Variants in NYAP1 observed in about 807,000 individuals in gnomAD.
NYAP1 encodes neuronal tyrosine-phosphorylated phosphoinositide-3-kinase adapter 1.
NYAP1 carries 20 observed loss-of-function variants against 58.6 expected under a neutral mutation model. That is an observed-to-expected ratio of 0.34 (90% CI 0.24 to 0.50). The LOEUF (loss-of-function observed/expected upper bound fraction) is 0.50, where lower values mean the gene tolerates loss of function less well. Ranked by LOEUF, NYAP1 falls within the 20% of genes least tolerant of loss-of-function variation. The pLI, the probability that NYAP1 is intolerant of heterozygous loss-of-function variation, is 0.98. For synonymous variants in NYAP1, 572 were observed against 523.1 expected, an observed-to-expected ratio of 1.09 and a Z score of -1.27; for missense variants, 1,150 against 1,194.5, an observed-to-expected ratio of 0.96 and a Z score of 0.55.
Position 100,493,661 on chromosome 7 carries a change from C to T in NYAP1, c.2284C>T (p.Pro762Ser). The T allele has an allele frequency of 1.3e-6, 2 of 1,582,828 alleles. No individual in the cohort carries two copies. Among genetic ancestry groups the T allele is most frequent in the South Asian group, 1.1e-5 (1 of 88,520 alleles). ...DALSQPHPAL[P>S]LPLPLPPQPA... Reference sequence around the variant, plus strand: ...CGCGGCACAGCCCCACCCCGCGCTGCCGCTGCCTCTGCCCCTGCCGCCCCA... The same window carrying T: ...CGCGGCACAGCCCCACCCCGCGCTGTCGCTGCCTCTGCCCCTGCCGCCCCA... The change falls in exon 7 of 7, where the codon CCG becomes TCG. Residue 762 changes from proline (P) to serine (S), a missense_variant. Transcript: ENST00000300179.
chr7:100,493,580 C>G, intron 6 of NYAP1, 66 bp from the exon 7 acceptor site: 3 of 1,385,646 alleles, frequency 2.2e-6, no homozygotes, highest in Non-Finnish European at 2.9e-6. Flanking sequence ...CAGTGCGGAC[C>G]CGTCCGGTCA....
In NYAP1 at chr7:100,493,544, C is replaced by T. The variant is rs1010874903; in HGVS notation, c.2269-102C>T. On this transcript the variant is annotated intron_variant, in intron 6 of 6. Transcript: ENST00000300179. Reference sequence around the variant, plus strand: ...CCGTTGGGGGGCAAGCAAGGACTTGCTTCTGAGGGGAGACGTGGGTCTCGG... The same window carrying T: ...CCGTTGGGGGGCAAGCAAGGACTTGTTTCTGAGGGGAGACGTGGGTCTCGG... 3.8e-6 allele frequency: 4 copies of T among 1,052,220 alleles called. No individual in the cohort carries two copies. In the African/African-American group the frequency reaches 6.6e-5, roughly 17 times the overall value. The allele number at this position is 1,052,220 out of a possible 1,614,324, so 65.2% of individuals were successfully genotyped here. A position where few individuals can be genotyped will look rare whatever the true frequency, so the allele number is the denominator to read the frequency against.
Position 100,486,711 on chromosome 7 carries a change from C to A in NYAP1, c.69-110C>A. 1 of 1,296,302 alleles carries A rather than the reference C, an allele frequency of 7.7e-7. No homozygotes were observed. The highest frequency in any genetic ancestry group is 1.0e-6 in the Non-Finnish European group (1 of 991,268). 80.3% of individuals were successfully genotyped at this position (1,296,302 alleles called of 1,614,324 possible). A position where few individuals can be genotyped will look rare whatever the true frequency, so the allele number is the denominator to read the frequency against. ...GCAACCCTGTCCCCACCCAGGCTCC[C>A]GTCCTCTTCCCTGGGAAGCCACAGG... On this transcript the variant is annotated intron_variant, in intron 2 of 6. Coordinates refer to ENST00000300179, the MANE Select transcript of NYAP1 (RefSeq NM_173564.4). This position sits in a 1 kb window ranked among gnomAD's most constrained non-coding sequence, Gnocchi z 6.2.
At position 100,489,507 on chromosome 7, in the gene NYAP1, G is replaced by A. The variant is rs557553256; in HGVS notation, c.1786G>A (p.Asp596Asn). The change falls in exon 4 of 7, where the codon GAT becomes AAT. Residue 596 changes from aspartate (D) to asparagine (N), a missense_variant. Transcript: ENST00000300179. ...GATCCAGCTGCAGGAGCAAGGGACC[G>A]ATGGGGGTGCTTTTGCCAGCATCTC... The part of the protein sequence containing the change: ...VKIQLQEQGT[D>N]GGAFASISCA... 4.0e-5 allele frequency: 65 copies of A among 1,613,466 alleles called. No homozygotes were observed. The highest frequency in any genetic ancestry group is 1.6e-4 in the Middle Eastern group (1 of 6,062).
At position 100,494,791 on chromosome 7, in the gene NYAP1, C is replaced by T. The variant is rs577085998; in HGVS notation, c.*888C>T. On this transcript the variant is annotated 3_prime_UTR_variant, in exon 7 of 7. Transcript: ENST00000300179. ...TTTCAGAATAATATATTAAAAGACT[C>T]ATGATCCTAAAGCTGGCTTCTTCTA... 3.1e-4 allele frequency: 47 copies of T among 152,594 alleles called. 1 individual carries two copies. Among genetic ancestry groups the T allele is most frequent in the African/African-American group, 9.6e-4 (40 of 41,508 alleles). The allele number at this position is 152,594 out of a possible 1,614,324, so 9.5% of individuals were successfully genotyped here. A position where few individuals can be genotyped will look rare whatever the true frequency, so the allele number is the denominator to read the frequency against.
Position 100,489,065 on chromosome 7 carries a change from G to A in NYAP1, c.1344G>A (p.Leu448=). 6.5e-7 allele frequency: 1 copy of A among 1,543,174 alleles called. No individual in the cohort carries two copies. Among genetic ancestry groups the A allele is most frequent in the Non-Finnish European group, 8.7e-7 (1 of 1,145,116 alleles). ...CAGCCCCCCCTGCCCCGGCCGCCTT[G>A]CTCCCCGGCCCCCCCAAGGACAAGG... ...APAAPPAPAA[L]LPGPPKDKAV... is the part of the protein sequence containing the mutation. Residue 448 remains leucine (L), a synonymous_variant, in exon 4 of 7, where the codon TTG becomes TTA. Coordinates refer to ENST00000300179, the MANE Select transcript of NYAP1 (RefSeq NM_173564.4).
chr7:100,494,560 A>G lies in NYAP1; in HGVS notation c.*657A>G, dbSNP rs1342104330. Reference sequence around the variant, plus strand: ...CCCAAGACCATTCACAGTATTTACAATTTGCCAGAATTTGGTAGTCAGTGT... The same window carrying G: ...CCCAAGACCATTCACAGTATTTACAGTTTGCCAGAATTTGGTAGTCAGTGT... On this transcript the variant is annotated 3_prime_UTR_variant, in exon 7 of 7. Transcript: ENST00000300179. 5 of 151,410 alleles carry G rather than the reference A, an allele frequency of 3.3e-5. No homozygotes were observed. Among genetic ancestry groups the G allele is most frequent in the African/African-American group, 1.2e-4 (5 of 41,002 alleles). 9.4% of individuals were successfully genotyped at this position (151,410 alleles called of 1,614,324 possible).
rs1454194251 is a variant in NYAP1 at position 100,487,986 on chromosome 7, TA to T, written c.431-160del. Among the ~76,000 whole-genome samples the T allele has an allele frequency of 1.3e-5, 2 of 151,808 alleles. No individual in the cohort carries two copies. Among genetic ancestry groups the T allele is most frequent in the African/African-American group, 4.8e-5 (2 of 41,292 alleles). ...GGCAAGACCCATCTCTATTAAAAAA[TA>T]AAAAAGAAATGAAGAAACCTCCTGG... On this transcript the variant is annotated intron_variant, in intron 3 of 6. Coordinates refer to ENST00000300179, the MANE Select transcript of NYAP1 (RefSeq NM_173564.4). The surrounding 1 kb of genome is among the most constrained non-coding windows in gnomAD (Gnocchi z 4.1).
In NYAP1 at chr7:100,494,241, A is replaced by C; in HGVS notation, c.*338A>C. Reference sequence around the variant, plus strand: ...AAGGGAGGAAGGAAGGGATGGGAGGAAGAGGGGGGTGGGTGAGCTGAAAGA... The same window carrying C: ...AAGGGAGGAAGGAAGGGATGGGAGGCAGAGGGGGGTGGGTGAGCTGAAAGA... On this transcript the variant is annotated 3_prime_UTR_variant, in exon 7 of 7. Coordinates refer to ENST00000300179, the MANE Select transcript of NYAP1 (RefSeq NM_173564.4). The C allele has an allele frequency of 3.8e-6, 1 of 263,350 alleles. No homozygotes were observed. Among genetic ancestry groups the C allele is most frequent in the Non-Finnish European group, 7.1e-6 (1 of 140,100 alleles). The allele number at this position is 263,350 out of a possible 1,614,324, so 16.3% of individuals were successfully genotyped here. A position where few individuals can be genotyped will look rare whatever the true frequency, so the allele number is the denominator to read the frequency against.
Position 100,491,061 on chromosome 7 carries a change from G to T in NYAP1, c.2234G>T (p.Arg745Leu). Reference sequence around the variant, plus strand: ...CGGCAGGTCGTGCTCCACACACCCCGGCCCTGCAGCCAGCCCAGGGATGCC... The same window carrying T: ...CGGCAGGTCGTGCTCCACACACCCCTGCCCTGCAGCCAGCCCAGGGATGCC... ...GVRQVVLHTP[R>L]PCSQPRDALS... Residue 745 changes from arginine to leucine, a missense_variant, in exon 6 of 7, where the codon CGG becomes CTG. Arg to Leu is a moderately radical substitution (Grantham distance 102). Transcript: ENST00000300179. 1.3e-6 allele frequency: 2 copies of T among 1,559,358 alleles called. No homozygotes were observed. The highest frequency in any genetic ancestry group is 1.7e-6 in the Non-Finnish European group (2 of 1,151,352).
rs537939617 is a variant in NYAP1, at chr7:100,490,826, G to A, written c.2158+97G>A. 1.6e-5 allele frequency: 19 copies of A among 1,221,150 alleles called. No individual in the cohort carries two copies. Among genetic ancestry groups the A allele is most frequent in the South Asian group, 4.7e-5 (3 of 64,024 alleles). The allele number at this position is 1,221,150 out of a possible 1,614,324, so 75.6% of individuals were successfully genotyped here. Reference sequence around the variant, plus strand: ...TCCTGACTTCCTCTCACCTGTTCACGTCTGTGCCCAGGGCCCTAAATCCTC... The same window carrying A: ...TCCTGACTTCCTCTCACCTGTTCACATCTGTGCCCAGGGCCCTAAATCCTC... On this transcript the variant is annotated intron_variant, in intron 5 of 6. Coordinates refer to ENST00000300179, the MANE Select transcript of NYAP1 (RefSeq NM_173564.4). This position sits in a 1 kb window ranked among gnomAD's most constrained non-coding sequence, Gnocchi z 4.6.
Position 100,485,138 on chromosome 7 carries a change from C to T in NYAP1, c.-84-90C>T. The T allele has an allele frequency of 1.7e-6, 1 of 596,996 alleles. No individual in the cohort carries two copies. Among genetic ancestry groups the T allele is most frequent in the Admixed American group, 3.0e-5 (1 of 33,474 alleles). The allele number at this position is 596,996 out of a possible 1,614,324, so 37.0% of individuals were successfully genotyped here. ...TCCTCTCTGAGGACCCGAGTCATGTCTCTTCTCCGTTTTCTCTCTTTCATT... is the reference window on the plus strand; with the variant it reads ...TCCTCTCTGAGGACCCGAGTCATGTTTCTTCTCCGTTTTCTCTCTTTCATT... On this transcript the variant is annotated intron_variant, in intron 1 of 6. Coordinates refer to ENST00000300179, the MANE Select transcript of NYAP1 (RefSeq NM_173564.4). The surrounding 1 kb of genome is among the most constrained non-coding windows in gnomAD (Gnocchi z 5.7).
At chr7:100,491,553 C>A (rs761981161) in intron 6 of NYAP1, among the ~76,000 whole-genome samples, 2 of 151,202 alleles carry the variant, frequency 1.3e-5, no homozygotes, top group Non-Finnish European at 2.9e-5. Flanking sequence ...GCCATGATCA[C>A]GCTACTGCGT....
At chr7:100,491,907 C>T (rs1271237254) in intron 6 of NYAP1, among the ~76,000 whole-genome samples, 1 of 152,064 alleles carries the variant, frequency 6.6e-6, no homozygotes, top group Non-Finnish European at 1.5e-5. Flanking sequence ...ATTAGCCGGG[C>T]GTGGTAGCGC....
In NYAP1 at chr7:100,485,308, C is replaced by T. The variant is rs765712478; in HGVS notation, c.-4C>T. ...CCCCCAGCCCCCACCTCCTGCCCCA[C>T]GAGATGAACCTCCTCTACCGAAAAA... On this transcript the variant is annotated 5_prime_UTR_variant, in exon 2 of 7. In the 5' UTR this introduces an upstream ATG that the reference lacks. Coordinates refer to ENST00000300179, the MANE Select transcript of NYAP1 (RefSeq NM_173564.4). The surrounding 1 kb of genome is among the most constrained non-coding windows in gnomAD (Gnocchi z 5.7). 36 of 1,587,464 alleles carry T rather than the reference C, an allele frequency of 2.3e-5. No individual in the cohort carries two copies. Among genetic ancestry groups the T allele is most frequent in the Non-Finnish European group, 2.9e-5 (34 of 1,165,320 alleles).
rs144810523 is a variant in NYAP1 at position 100,489,431 on chromosome 7, G to A, written c.1710G>A (p.Gly570=). Residue 570 remains glycine, a synonymous_variant, in exon 4 of 7, where the codon GGG becomes GGA. Coordinates refer to ENST00000300179, the MANE Select transcript of NYAP1 (RefSeq NM_173564.4). The stretch of plus-strand genomic sequence containing the variant: ...CTGCCTATGAGAGCCTCAAGGCTGG[G>A]GGGGTGCTGAATAAGGGCTGTGGTG... The part of the protein sequence containing the change: ...RPPAYESLKA[G]GVLNKGCGVG... 46 of 1,612,888 alleles carry A rather than the reference G, an allele frequency of 2.9e-5. No individual in the cohort carries two copies. In the African/African-American group the frequency reaches 5.2e-4, roughly 18 times the overall value.
Position 100,486,771 on chromosome 7 carries a change from G to GC in NYAP1, c.69-47dup. ...ACCTCTTGGGGTGGAGAAGGGGGAT[G>GC]CCCAGGTCCGAGGCCCTTCCTCCAC... is the stretch of plus-strand genomic sequence containing the variant. On this transcript the variant is annotated intron_variant, in intron 2 of 6. Transcript: ENST00000300179. This position sits in a 1 kb window ranked among gnomAD's most constrained non-coding sequence, Gnocchi z 6.2. 1 of 1,417,740 alleles carries GC rather than the reference G, an allele frequency of 7.1e-7. No homozygotes were observed. Among genetic ancestry groups the GC allele is most frequent in the Non-Finnish European group, 9.2e-7 (1 of 1,090,542 alleles). 87.8% of individuals were successfully genotyped at this position (1,417,740 alleles called of 1,614,324 possible).
chr7:100,484,384 G>A (rs967835610), intron 1 of NYAP1, among the ~76,000 whole-genome samples: 1 of 152,112 alleles, frequency 6.6e-6, no homozygotes, highest in Non-Finnish European at 1.5e-5. Context: ...GGAAAACCAG[G>A]GGGCCTCCCA....
chr7:100,489,092 C>A lies in NYAP1; in HGVS notation c.1371C>A (p.Ala457=). The stretch of plus-strand genomic sequence containing the variant: ...TCCCCGGCCCCCCCAAGGACAAGGC[C>A]GTGTCTTACACCATGGTGTACTCGG... ...ALLPGPPKDK[A]VSYTMVYSAV... The change falls in exon 4 of 7, where the codon GCC becomes GCA. Residue 457 remains alanine (A), a synonymous_variant. Coordinates refer to ENST00000300179, the MANE Select transcript of NYAP1 (RefSeq NM_173564.4). 1 of 1,566,424 alleles carries A rather than the reference C, an allele frequency of 6.4e-7. No individual in the cohort carries two copies. The highest frequency in any genetic ancestry group is 8.6e-7 in the Non-Finnish European group (1 of 1,156,478).
Sources: gnomAD v4.1 joint callset for allele counts (sites outside exome capture counted in the v4.1 genomes callset) on GRCh38, gnomAD v4.1.1 for gene constraint, Gnocchi (gnomAD v3.1) non-coding constraint, MANE v1.5 for transcripts, NCBI Gene and HGNC (gene_info 2026-07-23, HGNC 2026-07-21) for gene names.